Variants in TCF4 observed in about 807,000 individuals in gnomAD.
TCF4 encodes the protein transcription factor 4.
In TCF4, 3 loss-of-function variants were observed where a neutral mutation model predicts 82.1. That is an observed-to-expected ratio of 0.04 (90% CI 0.02 to 0.09). The LOEUF (loss-of-function observed/expected upper bound fraction) is 0.09. Ranked by LOEUF, TCF4 falls within the 10% of genes least tolerant of loss-of-function variation. TCF4 has a pLI of 1.00. For synonymous variants in TCF4, 276 were observed against 309.6 expected, an observed-to-expected ratio of 0.89 and a Z score of 1.14; for missense variants, 518 against 852.7, an observed-to-expected ratio of 0.61 and a Z score of 4.89.
At chr18:55,566,571 A>C (rs2097408976) in intron 3 of TCF4, among the ~76,000 whole-genome samples, 1 of 152,208 alleles carries the variant, frequency 6.6e-6, no homozygotes, top group African/African-American at 2.4e-5. Context: ...AACTTTTAGA[A>C]ATGAAAAAGT....
chr18:55,564,031 C>A (rs192420718), intron 3 of TCF4, among the ~76,000 whole-genome samples: 1 of 152,122 alleles, frequency 6.6e-6, no homozygotes, highest in South Asian at 2.1e-4. Context: ...AAATTCAGCA[C>A]GCACTGAACC....
chr18:55,327,156 G>A (rs544966172), intron 8 of TCF4, among the ~76,000 whole-genome samples: 2 of 152,014 alleles, frequency 1.3e-5, no homozygotes, highest in East Asian at 3.9e-4. Flanking sequence ...AAGCAATTAA[G>A]ATTTTTACTT....
intron 6 of TCF4, among the ~76,000 whole-genome samples, chr18:55,377,538 C>G (rs949365216): frequency 7.9e-5 from 12 of 152,180 alleles, no homozygotes; most frequent in African/African-American, 2.9e-4. Context: ...GTTGTACTTA[C>G]GTTTAACTGA....
chr18:55,569,915 G>A (rs957401579), intron 3 of TCF4, among the ~76,000 whole-genome samples: 14 of 152,098 alleles, frequency 9.2e-5, no homozygotes, highest in South Asian at 2.1e-4. Context: ...TTAAATTCAC[G>A]TAGAAGAACT....
chr18:55,536,539 G>A (rs1441626212), intron 3 of TCF4, among the ~76,000 whole-genome samples: 3 of 152,140 alleles, frequency 2.0e-5, no homozygotes, highest in African/African-American at 7.2e-5. Flanking sequence ...TCAACACAAA[G>A]AGTTATTCAG....
chr18:55,502,984 T>C (rs985046186), intron 3 of TCF4, among the ~76,000 whole-genome samples: 2 of 152,234 alleles, frequency 1.3e-5, no homozygotes, highest in African/African-American at 2.4e-5. Context: ...ATATCTACAG[T>C]TGACACTTGG....
chr18:55,589,376 T>G (rs1603624989), upstream of TCF4: 1 of 1,054,748 alleles, frequency 9.5e-7, no homozygotes, highest in East Asian at 5.3e-5. Flanking sequence ...CTGCAAGTAC[T>G]TAGTATCTCA....
chr18:55,595,847 A>G (rs1208133352), intron 2 of TCF4, among the ~76,000 whole-genome samples: 1 of 152,030 alleles, frequency 6.6e-6, no homozygotes, highest in Non-Finnish European at 1.5e-5. Flanking sequence ...CAGAATAGAG[A>G]TCCAGAGAAG....
At position 55,228,837 on chromosome 18, in the gene TCF4, C is replaced by G. The variant is rs986184777; in HGVS notation, c.1879+10G>C. On this transcript the variant is annotated intron_variant, in intron 18 of 19. Coordinates refer to ENST00000354452, the MANE Select transcript of TCF4 (RefSeq NM_001083962.2). ...TCACGAGCTCTGCAAGGAGGCTGGC[C>G]TGCACTGACCTCGGACTTGCTGCTC... The G allele has an allele frequency of 3.7e-6, 6 of 1,613,772 alleles. No individual in the cohort carries two copies. Among genetic ancestry groups the G allele is most frequent in the Non-Finnish European group, 4.2e-6 (5 of 1,179,990 alleles).
chr18:55,495,861 T>A (rs1450683275), intron 3 of TCF4: 1 of 152,206 alleles, frequency 6.6e-6, no homozygotes, highest in South Asian at 2.1e-4. Flanking sequence ...TTCATTTTTT[T>A]AAATGTTGAT....
chr18:55,521,297 C>T (rs1465726546), intron 3 of TCF4, among the ~76,000 whole-genome samples: 1 of 152,094 alleles, frequency 6.6e-6, no homozygotes, highest in Admixed American at 6.6e-5. Context: ...AAATAATGAA[C>T]TTAACTCATT....
chr18:55,464,196 T>C (rs555514297), intron 3 of TCF4, 59 bp from the exon 4 acceptor site: 7 of 1,421,628 alleles, frequency 4.9e-6, no homozygotes, highest in Admixed American at 1.7e-5. Context: ...TTTTTGTATA[T>C]GCACTTTCAA....
At chr18:55,251,053 C>T (rs1052203950) in intron 15 of TCF4, among the ~76,000 whole-genome samples, 1 of 152,070 alleles carries the variant, frequency 6.6e-6, no homozygotes, top group Non-Finnish European at 1.5e-5. Flanking sequence ...ACAAAAGTTC[C>T]GAAGGAGAAC....
At chr18:55,411,357 T>C (rs2094337576) in intron 5 of TCF4, among the ~76,000 whole-genome samples, 1 of 152,208 alleles carries the variant, frequency 6.6e-6, no homozygotes, top group Non-Finnish European at 1.5e-5. Context: ...AGTTTGAGTC[T>C]ATGATAATTG....
chr18:55,292,674 C>T (rs187789747), intron 8 of TCF4, among the ~76,000 whole-genome samples: 1 of 148,966 alleles, frequency 6.7e-6, no homozygotes, highest in East Asian at 2.0e-4. Context: ...TTTGGAACTT[C>T]CTAATCTATA....
At chr18:55,251,032 G>A (rs1403652923) in intron 15 of TCF4, among the ~76,000 whole-genome samples, 1 of 152,144 alleles carries the variant, frequency 6.6e-6, no homozygotes, top group African/African-American at 2.4e-5. Context: ...GGCTGGACAA[G>A]ACAAAGAGAT....
At chr18:55,583,161 A>G (rs2097593485) in intron 3 of TCF4, among the ~76,000 whole-genome samples, 1 of 151,988 alleles carries the variant, frequency 6.6e-6, no homozygotes, top group Non-Finnish European at 1.5e-5. Context: ...TAAAAGGACC[A>G]TTACACTTTT....
chr18:55,594,973 T>G (rs1324613141), intron 2 of TCF4, among the ~76,000 whole-genome samples: 4 of 152,186 alleles, frequency 2.6e-5, no homozygotes, highest in Non-Finnish European at 5.9e-5. Context: ...ACCACCCAGG[T>G]ACAGACAAAA....
chr18:55,553,001 C>G (rs2097273417), intron 3 of TCF4, among the ~76,000 whole-genome samples: 1 of 152,114 alleles, frequency 6.6e-6, no homozygotes, highest in South Asian at 2.1e-4. Context: ...GAACAGAAAC[C>G]ACAGAGGGAG....
Sources: gnomAD v4.1 joint callset for allele counts (sites outside exome capture counted in the v4.1 genomes callset) on GRCh38, gnomAD v4.1.1 for gene constraint, MANE v1.5 for transcripts, NCBI Gene and HGNC (gene_info 2026-07-23, HGNC 2026-07-21) for gene names.